The following ALK variants were observed in gnomAD, a reference collection of about 807,000 sequenced individuals.
ALK encodes the protein ALK receptor tyrosine kinase.
ALK carries 74 observed loss-of-function variants against 163.1 expected under a neutral mutation model. That is an observed-to-expected ratio of 0.45 (90% CI 0.38 to 0.55). ALK has a LOEUF of 0.55. Ranked by LOEUF, ALK falls within the 20% of genes least tolerant of loss-of-function variation. The pLI, the probability that ALK is intolerant of heterozygous loss-of-function variation, is 0.00. For missense variants in ALK, 2,063 were observed against 2,105.3 expected, an observed-to-expected ratio of 0.98 and a Z score of 0.39; for synonymous variants, 960 against 843.2, an observed-to-expected ratio of 1.14 and a Z score of -2.40.
intron 4 of ALK, among the ~76,000 whole-genome samples, chr2:29,476,432 A>G (rs1240201544): frequency 6.6e-6 from 1 of 152,248 alleles, no homozygotes; most frequent in Non-Finnish European, 1.5e-5. Flanking sequence ...AGAAAAATAT[A>G]GAAAATGAAT....
At chr2:29,302,632 G>A (rs1666403384) in intron 8 of ALK, among the ~76,000 whole-genome samples, 1 of 152,230 alleles carries the variant, frequency 6.6e-6, no homozygotes, top group African/African-American at 2.4e-5. Flanking sequence ...CACTCTCTGA[G>A]TTTCAACAAT....
chr2:29,487,273 C>A (rs1177187229), intron 4 of ALK, among the ~76,000 whole-genome samples: 2 of 152,118 alleles, frequency 1.3e-5, no homozygotes, highest in African/African-American at 2.4e-5. Flanking sequence ...TGCTTCCTAC[C>A]AGAGCTGGGC....
At chr2:29,259,724 G>A (rs778259165) in intron 11 of ALK, among the ~76,000 whole-genome samples, 8 of 151,840 alleles carry the variant, frequency 5.3e-5, no homozygotes, top group Non-Finnish European at 1.0e-4. Flanking sequence ...CATTGGTACC[G>A]CTCATTCTGG....
At chr2:29,836,239 T>A (rs1166534048) in intron 1 of ALK, among the ~76,000 whole-genome samples, 1 of 152,180 alleles carries the variant, frequency 6.6e-6, no homozygotes, top group Non-Finnish European at 1.5e-5. Context: ...TTTATCAAAG[T>A]TATCTGTATC....
At chr2:29,412,310 A>G (rs1433974129) in intron 4 of ALK, among the ~76,000 whole-genome samples, 1 of 152,198 alleles carries the variant, frequency 6.6e-6, no homozygotes, top group Non-Finnish European at 1.5e-5. Context: ...TTGGAGGAGG[A>G]GCTGGGTCAT....
intron 1 of ALK, among the ~76,000 whole-genome samples, chr2:29,726,658 G>C (rs1048671674): frequency 6.6e-6 from 1 of 152,212 alleles, no homozygotes; most frequent in Non-Finnish European, 1.5e-5. Context: ...AAATCATGCA[G>C]TGAGTGCCCT....
At chr2:29,548,542 C>A (rs62131120) in intron 3 of ALK, among the ~76,000 whole-genome samples, 18,413 of 41,720 alleles carry the variant, frequency 0.44, 1,506 homozygotes, top group East Asian at 0.61. Context: ...AACTGCCTGT[C>A]TCCGCTCTTC....
chr2:29,594,057 G>C (rs1220092676), intron 3 of ALK, among the ~76,000 whole-genome samples: 1 of 152,108 alleles, frequency 6.6e-6, no homozygotes, highest in Non-Finnish European at 1.5e-5. Context: ...TATCTAGTGG[G>C]TAGAGGCCAG....
intron 4 of ALK, among the ~76,000 whole-genome samples, chr2:29,461,462 C>T (rs1671081818): frequency 2.0e-5 from 3 of 152,160 alleles, no homozygotes; most frequent in Admixed American, 1.3e-4. Context: ...GCAAATGCAG[C>T]TGGTGACTTG....
intron 4 of ALK, among the ~76,000 whole-genome samples, chr2:29,414,849 C>G (rs1489265440): frequency 3.9e-5 from 6 of 152,104 alleles, no homozygotes; most frequent in Admixed American, 3.9e-4. Context: ...GTCTTCCAGG[C>G]TGTTTTGAGA....
In ALK at chr2:29,193,397, C is replaced by T. The variant is rs1019065457; in HGVS notation, c.4690G>A (p.Ala1564Thr). The change falls in exon 29 of 29, where the codon GCC (alanine) becomes ACC (threonine). Residue 1564 changes from alanine to threonine, a missense_variant. Around this residue, in one of 5 missense-constraint regions of ALK, gnomAD observed 403 missense variants for 366.2 expected, o/e 1.10. Transcript: ENST00000389048. ...SLLLEPSSLT[A>T]NMKEVPLFRL... The stretch of plus-strand genomic sequence containing the variant: ...AACAGAGGTACCTCCTTCATATTGG[C>T]AGTCAGCGAAGAGGGCTCTAGGAGC... 6.2e-7 allele frequency: 1 copy of T among 1,614,212 alleles called. No homozygotes were observed. The highest frequency in any genetic ancestry group is 8.5e-7 in the Non-Finnish European group (1 of 1,180,034).
At chr2:29,489,110 G>A (rs563382203) in intron 4 of ALK, among the ~76,000 whole-genome samples, 1 of 152,230 alleles carries the variant, frequency 6.6e-6, no homozygotes, top group African/African-American at 2.4e-5. Context: ...GATGAAAAGA[G>A]CCCTCAATTA....
chr2:29,283,861 C>A (rs1665777984), intron 9 of ALK, among the ~76,000 whole-genome samples: 1 of 152,146 alleles, frequency 6.6e-6, no homozygotes, highest in Admixed American at 6.5e-5. Flanking sequence ...CCCCCTCTTT[C>A]TTTGAGCAGA....
At position 29,789,467 on chromosome 2, in the gene ALK, T is replaced by C. The variant is rs574734298; in HGVS notation, c.668-71770A>G. On this transcript the variant is annotated intron_variant, in intron 1 of 28. Coordinates refer to ENST00000389048, the MANE Select transcript of ALK (RefSeq NM_004304.5). ...GACTGGCTTGGCAGAGTCACACAGT[T>C]ACTTCTGCACCATGTTGCCACAGCT... Among the ~76,000 whole-genome samples, 16 of 152,342 alleles carry C rather than the reference T, an allele frequency of 1.1e-4. No individual in the cohort carries two copies. In the South Asian group the frequency reaches 3.3e-3, roughly 32 times the overall value.
Position 29,395,897 on chromosome 2 carries a change from T to C in ALK, c.1155-12038A>G, listed in dbSNP as rs576917292. ...TTTCTACACAGCTATCTGTTCTTCA[T>C]TGAACCTAAGCATAAAAACAGAAAA... is the stretch of plus-strand genomic sequence containing the variant. On this transcript the variant is annotated intron_variant, in intron 4 of 28. Transcript: ENST00000389048. 7.0e-4 allele frequency among the ~76,000 whole-genome samples: 107 copies of C among 152,354 alleles called. 1 individual carries two copies. In the South Asian group the frequency reaches 7.9e-3, roughly 11 times the overall value.
intron 2 of ALK, among the ~76,000 whole-genome samples, chr2:29,716,317 T>C (rs927996556): frequency 2.0e-5 from 3 of 152,226 alleles, no homozygotes; most frequent in Admixed American, 6.5e-5. Flanking sequence ...AAAGTAGCCA[T>C]TGAAAGACTA....
At chr2:29,572,979 G>T (rs1383218540) in intron 3 of ALK, among the ~76,000 whole-genome samples, 1 of 152,132 alleles carries the variant, frequency 6.6e-6, no homozygotes, top group Non-Finnish European at 1.5e-5. Context: ...TCCTCCTCAG[G>T]CCCTGGCTTC....
chr2:29,494,109 T>C (rs72794457), intron 4 of ALK, among the ~76,000 whole-genome samples: 89 of 152,288 alleles, frequency 5.8e-4, no homozygotes, highest in Non-Finnish European at 1.1e-3. Context: ...GAGGCTTAGA[T>C]GTGTGGCTTA....
intron 4 of ALK, among the ~76,000 whole-genome samples, chr2:29,419,449 T>C (rs1669963976): frequency 6.6e-6 from 1 of 151,364 alleles, no homozygotes; most frequent in Non-Finnish European, 1.5e-5. Context: ...ACTTGGAATG[T>C]GTTAAACAGA....
Sources: gnomAD v4.1 joint callset for allele counts (sites outside exome capture counted in the v4.1 genomes callset) on GRCh38, gnomAD v4.1.1 for gene constraint, gnomAD v4.1.1 regional missense constraint, MANE v1.5 for transcripts, NCBI Gene and HGNC (gene_info 2026-07-23, HGNC 2026-07-21) for gene names.